Variants in CTNNA3 observed in about 807,000 individuals in gnomAD.
CTNNA3 encodes catenin alpha 3, also known as catenin alpha-3.
Under a neutral mutation model 95.7 loss-of-function variants are expected in CTNNA3, and 76 were observed. That is an observed-to-expected ratio of 0.79 (90% CI 0.66 to 0.96). CTNNA3 has a LOEUF of 0.96. Among genes scored for constraint, CTNNA3 ranks in the 40% least tolerant of loss-of-function variants. The pLI, the probability that CTNNA3 is intolerant of heterozygous loss-of-function variation, is 0.00. For synonymous variants in CTNNA3, 431 were observed against 374.4 expected (o/e 1.15, Z -1.74); for missense variants, 1,191 against 1,089.8 (o/e 1.09, Z -1.31).
intron 5 of CTNNA3, among the ~76,000 whole-genome samples, chr10:67,379,893 C>A (rs1429274311): frequency 6.7e-6 from 1 of 150,288 alleles, no homozygotes; most frequent in Non-Finnish European, 1.5e-5. Context: ...TAGTGGCGGG[C>A]GCCTGTAGTC....
rs10529994 is a variant in CTNNA3 at position 65,917,461 on chromosome 10, GTT to G, written c.*2867_*2868del. 6.7e-6 allele frequency: 1 copy of G among 150,010 alleles called. No individual in the cohort carries two copies. The highest frequency in any genetic ancestry group is 1.5e-5 in the Non-Finnish European group (1 of 67,520). 9.3% of individuals were successfully genotyped at this position (150,010 alleles called of 1,614,324 possible). A position where few individuals can be genotyped will look rare whatever the true frequency, so the allele number is the denominator to read the frequency against. On this transcript the variant is annotated 3_prime_UTR_variant, in exon 18 of 18. Coordinates refer to ENST00000433211, the MANE Select transcript of CTNNA3 (RefSeq NM_013266.4). The stretch of plus-strand genomic sequence containing the variant: ...AGGCCATTTAGTGGATTATTATTTC[GTT>G]TTTTTTTAAATTTTCATTCTAATTC...
At chr10:67,043,867 A>G (rs1005155532) in intron 7 of CTNNA3, among the ~76,000 whole-genome samples, 2 of 151,366 alleles carry the variant, frequency 1.3e-5, no homozygotes, top group African/African-American at 4.8e-5. Flanking sequence ...TATATGCCCA[A>G]CATTCTGTTC....
intron 11 of CTNNA3, among the ~76,000 whole-genome samples, chr10:66,478,123 T>C (rs1002220411): frequency 2.6e-5 from 4 of 152,156 alleles, no homozygotes; most frequent in African/African-American, 9.6e-5. Context: ...TGCTCCAGCA[T>C]GCACTTTTAT....
chr10:67,435,173 A>C (rs1418682906), intron 5 of CTNNA3, among the ~76,000 whole-genome samples: 2 of 152,000 alleles, frequency 1.3e-5, no homozygotes, highest in Non-Finnish European at 2.9e-5. Context: ...TTAAGTTTTA[A>C]GCCCAATTTC....
intron 7 of CTNNA3, among the ~76,000 whole-genome samples, chr10:67,179,450 G>T (rs1009310587): frequency 2.2e-5 from 3 of 137,376 alleles, no homozygotes; most frequent in Middle Eastern, 8.0e-3. Context: ...AAATATTTTT[G>T]CCCTAAATTT....
At chr10:66,236,010 T>C (rs951630421) in intron 13 of CTNNA3, among the ~76,000 whole-genome samples, 1 of 152,172 alleles carries the variant, frequency 6.6e-6, no homozygotes, top group Admixed American at 6.5e-5. Context: ...ATGAGGTCAC[T>C]CTACCTATGG....
intron 17 of CTNNA3, among the ~76,000 whole-genome samples, chr10:65,959,880 A>G (rs1260916190): frequency 1.3e-5 from 2 of 152,142 alleles, no homozygotes; most frequent in Non-Finnish European, 2.9e-5. Context: ...TTCCATGTGA[A>G]CTGAAGCTGC....
At chr10:67,559,516 T>A (rs1354182647) in intron 3 of CTNNA3, among the ~76,000 whole-genome samples, 1 of 151,722 alleles carries the variant, frequency 6.6e-6, no homozygotes, top group Non-Finnish European at 1.5e-5. Context: ...AGACCAAAAG[T>A]AGATAAAACC....
intron 13 of CTNNA3, among the ~76,000 whole-genome samples, chr10:66,260,180 A>G (rs911844983): frequency 2.0e-5 from 3 of 152,158 alleles, no homozygotes; most frequent in Admixed American, 1.3e-4. Context: ...CTCATTATCT[A>G]TTACAGAAAA....
intron 11 of CTNNA3, among the ~76,000 whole-genome samples, chr10:66,437,711 C>A (rs2093348238): frequency 6.6e-6 from 1 of 152,122 alleles, no homozygotes; most frequent in Non-Finnish European, 1.5e-5. Flanking sequence ...GTCAATTCAT[C>A]AAACTCATTC....
intron 15 of CTNNA3, among the ~76,000 whole-genome samples, chr10:66,006,689 C>T (rs1256115876): frequency 1.3e-5 from 2 of 152,088 alleles, no homozygotes; most frequent in East Asian, 1.9e-4. Context: ...ACTGGCTGCC[C>T]CTGCTCCTTT....
At chr10:66,335,867 G>T (rs1216815664) in intron 12 of CTNNA3, among the ~76,000 whole-genome samples, 1 of 152,072 alleles carries the variant, frequency 6.6e-6, no homozygotes. Context: ...TTGAGCTGTG[G>T]TGGGCTCCAC....
intron 10 of CTNNA3, among the ~76,000 whole-genome samples, chr10:66,621,016 A>T (rs1188099748): frequency 1.3e-5 from 2 of 152,110 alleles, no homozygotes; most frequent in Non-Finnish European, 2.9e-5. Flanking sequence ...TGGCTTCAAA[A>T]CCATTTGTCA....
chr10:67,529,235 T>C (rs528993526), intron 4 of CTNNA3, among the ~76,000 whole-genome samples: 1 of 152,172 alleles, frequency 6.6e-6, no homozygotes, highest in Admixed American at 6.5e-5. Flanking sequence ...TTTGGTAACA[T>C]AATAGAAAGA....
rs187640864 is a variant in CTNNA3, at chr10:66,970,345, C to T, written c.1048-194821G>A. ...CAGCACTATCTCTTAGGAAGTCATC[C>T]ATATATTACCTGCATACACAGTCAG... On this transcript the variant is annotated intron_variant, in intron 7 of 17. Transcript: ENST00000433211. Among the ~76,000 whole-genome samples, 7 of 152,146 alleles carry T rather than the reference C, an allele frequency of 4.6e-5. No individual in the cohort carries two copies. In the East Asian group the frequency reaches 1.4e-3, roughly 29 times the overall value.
At chr10:66,045,381 A>G (rs553217861) in intron 15 of CTNNA3, among the ~76,000 whole-genome samples, 1 of 152,324 alleles carries the variant, frequency 6.6e-6, no homozygotes, top group South Asian at 2.1e-4. Context: ...ACATACCCTG[A>G]AAACTTATTG....
At chr10:67,608,857 G>A (rs1175128828) in intron 2 of CTNNA3, among the ~76,000 whole-genome samples, 4 of 151,978 alleles carry the variant, frequency 2.6e-5, no homozygotes, top group East Asian at 1.9e-4. Context: ...CTGGGAGGCC[G>A]AGGCGGGTGG....
intron 12 of CTNNA3, among the ~76,000 whole-genome samples, chr10:66,330,661 G>A (rs1416983715): frequency 6.6e-6 from 1 of 152,074 alleles, no homozygotes; most frequent in African/African-American, 2.4e-5. Flanking sequence ...CTTCCACAAT[G>A]GTTGAACTAG....
At chr10:66,087,067 C>T (rs1005210397) in intron 14 of CTNNA3, among the ~76,000 whole-genome samples, 1 of 151,974 alleles carries the variant, frequency 6.6e-6, no homozygotes, top group African/African-American at 2.4e-5. Flanking sequence ...CTTCCTTTTC[C>T]TTGTCGCCAC....
Sources: allele counts gnomAD v4.1 joint callset (sites outside exome capture counted in the v4.1 genomes callset), GRCh38; gene constraint gnomAD v4.1.1; transcripts MANE v1.5; gene names NCBI Gene and HGNC (gene_info 2026-07-23, HGNC 2026-07-21).